The following AFF2 variants were observed in gnomAD, a reference collection of about 807,000 sequenced individuals.
The protein encoded by AFF2 is AF4/FMR2 family member 2.
In AFF2, 14 loss-of-function variants were observed where a neutral mutation model predicts 76.9. The ratio of observed to expected loss-of-function variants is 0.18; its 90% CI spans 0.12 to 0.28. AFF2 has a LOEUF of 0.28. Ranked by LOEUF, AFF2 falls within the 10% of genes least tolerant of loss-of-function variation. AFF2 has a pLI of 1.00. For missense variants in AFF2, 868 were observed against 1,001.1 expected, an observed-to-expected ratio of 0.87 and a Z score of 1.79; for synonymous variants, 398 against 366.7, an observed-to-expected ratio of 1.09 and a Z score of -0.98.
chrX:148,704,388 A>G (rs1450225529), intron 3 of AFF2, among the ~76,000 whole-genome samples: 1 of 48,354 alleles, frequency 2.1e-5, no homozygotes, highest in African/African-American at 1.0e-4. Context: ...ATTTATATAT[A>G]TGTGTAGATA....
At chrX:148,865,144 A>G (rs782593006) in intron 7 of AFF2, among the ~76,000 whole-genome samples, 1 of 112,564 alleles carries the variant, frequency 8.9e-6, no homozygotes, top group Non-Finnish European at 1.9e-5. Context: ...AATGTGTTTT[A>G]CAGTAAAATT....
At chrX:148,824,060 C>CCTCTCTCTCTCTCTCTCT (rs60032031) in intron 4 of AFF2, among the ~76,000 whole-genome samples, 1,388 of 96,564 alleles carry the variant, frequency 0.014, 21 homozygotes, top group East Asian at 0.037. Context: ...ATATTTGCTT[C>CCTCTCTCTCTCTCTCTCT]CTCTCTCTCT....
At chrX:148,707,495 A>AT (rs201346265) in intron 3 of AFF2, among the ~76,000 whole-genome samples, 13 of 109,315 alleles carry the variant, frequency 1.2e-4, no homozygotes, top group Middle Eastern at 4.8e-3. Flanking sequence ...TAATATATAT[A>AT]TTTTTTTTCC....
At position 148,701,012 on chromosome X, in the gene AFF2, A is replaced by AATGTG. The variant is rs782232655; in HGVS notation, c.1041+38244_1041+38245insATGTG. Among the ~76,000 whole-genome samples, 206 of 73,737 alleles carry AATGTG rather than the reference A, an allele frequency of 2.8e-3. 1 individual carries two copies. The highest frequency in any genetic ancestry group is 9.4e-3 in the African/African-American group (161 of 17,187). The allele number at this position is 73,737 out of a possible 115,157, so 64.0% of individuals were successfully genotyped here. ...AGAGAGAGAGAGAGAGAGAGAGAGA[A>AATGTG]TGTGTGTGTGTGTGTGTGTGTGTGT... On this transcript the variant is annotated intron_variant, in intron 3 of 20. Coordinates refer to ENST00000370460, the MANE Select transcript of AFF2 (RefSeq NM_002025.4).
chrX:148,880,188 C>G (rs1449336752), intron 7 of AFF2, among the ~76,000 whole-genome samples: 1 of 111,855 alleles, frequency 8.9e-6, no homozygotes, highest in African/African-American at 3.3e-5. Flanking sequence ...GCCACTGAAT[C>G]AAAGTTTTAA....
At chrX:148,841,456 T>C (rs2070598532) in intron 5 of AFF2, among the ~76,000 whole-genome samples, 1 of 111,925 alleles carries the variant, frequency 8.9e-6, no homozygotes, top group African/African-American at 3.2e-5. Flanking sequence ...TTTTAAAGAT[T>C]ATATCAAGCA....
At chrX:148,545,029 A>C (rs187825735) in intron 1 of AFF2, among the ~76,000 whole-genome samples, 2 of 111,845 alleles carry the variant, frequency 1.8e-5, no homozygotes, top group Non-Finnish European at 1.9e-5. Flanking sequence ...GCATTATTCA[A>C]TTTGTTTTTT....
rs192132069 is a variant in AFF2 at position 148,608,772 on chromosome X, G to A, written c.48-43227G>A. Among the ~76,000 whole-genome samples, 49 of 111,237 alleles carry A rather than the reference G, an allele frequency of 4.4e-4. No homozygotes were observed. The Admixed American group carries it at 4.5e-3, about 10-fold the overall frequency. ...AAACACTTCCTCAGACATCTCCAAAGTCTACATTTTACATTCTTGTCCTGA... is the reference window on the plus strand; with the variant it reads ...AAACACTTCCTCAGACATCTCCAAAATCTACATTTTACATTCTTGTCCTGA... On this transcript the variant is annotated intron_variant, in intron 1 of 20. Coordinates refer to ENST00000370460, the MANE Select transcript of AFF2 (RefSeq NM_002025.4).
intron 1 of AFF2, among the ~76,000 whole-genome samples, chrX:148,592,685 G>A (rs1178412394): frequency 9.0e-6 from 1 of 111,298 alleles, no homozygotes; most frequent in Non-Finnish European, 1.9e-5. Context: ...CTGGTAGAGT[G>A]GTCTGCAAAT....
At chrX:148,591,621 A>C in intron 1 of AFF2, among the ~76,000 whole-genome samples, 1 of 111,734 alleles carries the variant, frequency 8.9e-6, no homozygotes. Flanking sequence ...GCCACAATCA[A>C]CTCTTTCAAG....
intron 15 of AFF2, among the ~76,000 whole-genome samples, chrX:148,970,307 G>T (rs1557289370): frequency 8.9e-6 from 1 of 111,929 alleles, no homozygotes; most frequent in African/African-American, 3.2e-5. Context: ...AAAAGATTCT[G>T]CAGGACCTCT....
rs201629327 is a variant in AFF2 at position 148,704,091 on chromosome X, T to TTA, written c.1041+41333_1041+41334dup. ...ATATATTATAAATATATGCCTATAA[T>TTA]TATATATATATTATATATATATATA... On this transcript the variant is annotated intron_variant, in intron 3 of 20. Transcript: ENST00000370460. Among the ~76,000 whole-genome samples, 668 of 102,024 alleles carry TTA rather than the reference T, an allele frequency of 6.5e-3. 29 individuals are homozygous for TTA. The Admixed American group carries it at 0.07, about 11-fold the overall frequency. The allele number at this position is 102,024 out of a possible 115,157, so 88.6% of individuals were successfully genotyped here. A position where few individuals can be genotyped will look rare whatever the true frequency, so the allele number is the denominator to read the frequency against.
intron 9 of AFF2, among the ~76,000 whole-genome samples, chrX:148,951,511 A>G (rs1157156077): frequency 8.1e-5 from 9 of 111,735 alleles, no homozygotes; most frequent in Non-Finnish European, 5.6e-5. Context: ...TCTCTTGAGA[A>G]TCATAAATGT....
chrX:148,730,257 A>G (rs1273630251), intron 3 of AFF2, among the ~76,000 whole-genome samples: 2 of 111,901 alleles, frequency 1.8e-5, no homozygotes, highest in African/African-American at 6.5e-5. Context: ...GGATTTTTGC[A>G]GCAGATTGGA....
At chrX:148,776,579 G>A (rs1292906567) in intron 3 of AFF2, among the ~76,000 whole-genome samples, 10 of 112,251 alleles carry the variant, frequency 8.9e-5, no homozygotes, top group South Asian at 3.7e-4. Flanking sequence ...GTATCTCATT[G>A]TGGTTTTGAT....
chrX:148,578,122 T>C (rs1304811639), intron 1 of AFF2, among the ~76,000 whole-genome samples: 1 of 112,467 alleles, frequency 8.9e-6, no homozygotes, highest in African/African-American at 3.2e-5. Flanking sequence ...AAAATTCCAA[T>C]TGGAGGTGTC....
intron 9 of AFF2, among the ~76,000 whole-genome samples, chrX:148,950,441 G>A (rs1413006309): frequency 1.8e-5 from 2 of 111,927 alleles, no homozygotes; most frequent in African/African-American, 6.5e-5. Context: ...TTCCAACTGT[G>A]CAACTTCCCG....
At chrX:148,652,158 G>C (rs2054209175) in intron 2 of AFF2, 27 bp downstream of exon 2, 1 of 1,128,179 alleles carries the variant, frequency 8.9e-7, no homozygotes, top group Non-Finnish European at 1.2e-6. Flanking sequence ...TCTGGAAAAT[G>C]GTTGCTTGTT....
chrX:148,516,876 A>G (rs1350865823), intron 1 of AFF2, among the ~76,000 whole-genome samples: 1 of 111,861 alleles, frequency 8.9e-6, no homozygotes. Context: ...CCATCGTTTC[A>G]TCCTGTAAGG....
Sources: gnomAD v4.1 joint callset for allele counts (sites outside exome capture counted in the v4.1 genomes callset) on GRCh38, gnomAD v4.1.1 for gene constraint, MANE v1.5 for transcripts, NCBI Gene and HGNC (gene_info 2026-07-23, HGNC 2026-07-21) for gene names.